TRMT11: variants seen among roughly 807,000 people sequenced by gnomAD.
The protein encoded by TRMT11 is tRNA methyltransferase 11, also known as tRNA (guanine(10)-N(2))-methyltransferase TRMT11.
TRMT11 carries 53 observed loss-of-function variants against 62.8 expected under a neutral mutation model. That is an observed-to-expected ratio of 0.84 (90% confidence interval 0.68 to 1.06). The LOEUF (loss-of-function observed/expected upper bound fraction) is 1.06. Among genes scored for constraint, TRMT11 ranks in the 50% least tolerant of loss-of-function variants. The pLI is 0.00. For missense variants in TRMT11, 556 were observed against 553.4 expected (o/e 1.00, Z -0.05); for synonymous variants, 188 against 190.3 (o/e 0.99, Z 0.10).
At chr6:126,182,270 C>T (rs1008806613) in intron 1 of TRMT11, among the ~76,000 whole-genome samples, 8 of 151,798 alleles carry the variant, frequency 5.3e-5, no homozygotes, top group Admixed American at 3.9e-4. Context: ...TAGGAGGTAC[C>T]GATGGGGGAT....
chr6:125,999,148 A>G (rs997915729), intron 6 of TRMT11, among the ~76,000 whole-genome samples: 5 of 152,058 alleles, frequency 3.3e-5, no homozygotes, highest in Non-Finnish European at 1.5e-5. Context: ...GGAAGTTGTG[A>G]CTTATGTTAG....
At chr6:126,105,090 C>T (rs1227344209) in intron 17 of TRMT11, among the ~76,000 whole-genome samples, 7 of 152,198 alleles carry the variant, frequency 4.6e-5, no homozygotes, top group Non-Finnish European at 1.0e-4. Context: ...ATATTTCATT[C>T]ACAGAATCCC....
chr6:126,169,063 A>G (rs1778300442), intron 21 of TRMT11, among the ~76,000 whole-genome samples: 1 of 152,230 alleles, frequency 6.6e-6, no homozygotes, highest in African/African-American at 2.4e-5. Flanking sequence ...ATCGCACCTA[A>G]GAATCTGCAT....
chr6:126,065,758 T>C (rs752657529), intron 17 of TRMT11, among the ~76,000 whole-genome samples: 7 of 152,256 alleles, frequency 4.6e-5, no homozygotes, highest in Non-Finnish European at 1.0e-4. Flanking sequence ...TACTATTCTT[T>C]AGCTGTATAC....
intron 17 of TRMT11, among the ~76,000 whole-genome samples, chr6:126,071,221 G>GA (rs1776843527): frequency 6.6e-6 from 1 of 151,268 alleles, no homozygotes; most frequent in African/African-American, 2.5e-5. Context: ...CTGTTTCCTT[G>GA]GGGGGGTGGG....
intron 17 of TRMT11, among the ~76,000 whole-genome samples, chr6:126,057,692 CT>C (rs1365254205): frequency 1.3e-5 from 2 of 151,994 alleles, no homozygotes; most frequent in Non-Finnish European, 2.9e-5. Flanking sequence ...GGTAATTAGT[CT>C]TCAGGAAAAC....
At chr6:126,011,557 T>G in intron 9 of TRMT11, 140 bp downstream of exon 9, 1 of 687,256 alleles carries the variant, frequency 1.5e-6, no homozygotes, top group Non-Finnish European at 2.4e-6. Context: ...TTCTTCATCT[T>G]GTAAGGAGAA....
chr6:126,030,585 C>T (rs566280877), intron 12 of TRMT11, among the ~76,000 whole-genome samples: 10 of 152,280 alleles, frequency 6.6e-5, no homozygotes, highest in Non-Finnish European at 8.8e-5. Context: ...TTTCACTTAT[C>T]ATAGAATAAA....
At chr6:126,118,980 T>A (rs1452025524) in intron 21 of TRMT11, among the ~76,000 whole-genome samples, 1 of 152,082 alleles carries the variant, frequency 6.6e-6, no homozygotes, top group Non-Finnish European at 1.5e-5. Flanking sequence ...TAGGTAGGAT[T>A]TTTATATACT....
At position 126,151,902 on chromosome 6, in the gene TRMT11, T is replaced by TCC. The variant is rs1562334912; in HGVS notation, c.*1824-22923_*1824-22922insCC. 9.7e-4 allele frequency among the ~76,000 whole-genome samples: 25 copies of TCC among 25,744 alleles called. 1 individual carries two copies. Among genetic ancestry groups the TCC allele is most frequent in the African/African-American group, 1.7e-3 (5 of 3,008 alleles). 16.9% of individuals were successfully genotyped at this position (25,744 alleles called of 152,430 possible). On this transcript the variant is annotated intron_variant and NMD_transcript_variant, in intron 21 of 22. Coordinates refer to the TRMT11 transcript ENST00000648977. The stretch of plus-strand genomic sequence containing the variant: ...CTTCCTTCCTTGTCTTTTTCTTTCT[T>TCC]TTCTCTTTCTTTCTTTCTTTCTTTC...
At chr6:126,094,887 C>T (rs1385627253) in intron 17 of TRMT11, among the ~76,000 whole-genome samples, 2 of 152,168 alleles carry the variant, frequency 1.3e-5, no homozygotes, top group African/African-American at 4.8e-5. Context: ...CCTTCACAAT[C>T]ATTTTGTAAG....
chr6:126,246,097 A>G, the TRMT11 span, among the ~76,000 whole-genome samples: 51 of 152,258 alleles, frequency 3.3e-4, no homozygotes, highest in African/African-American at 9.9e-4. Flanking sequence ...CCTGGGCAAC[A>G]TGGTGAAACC....
intron 1 of TRMT11, among the ~76,000 whole-genome samples, chr6:126,190,909 T>C (rs1179400682): frequency 1.3e-5 from 2 of 152,100 alleles, no homozygotes; most frequent in Non-Finnish European, 2.9e-5. Context: ...GACACAGGAG[T>C]GCAGATATCT....
chr6:126,200,701 C>T (rs1778725269), intron 3 of TRMT11, among the ~76,000 whole-genome samples: 1 of 152,058 alleles, frequency 6.6e-6, no homozygotes, highest in Non-Finnish European at 1.5e-5. Flanking sequence ...ACTACAGGCG[C>T]CTACCACCAC....
downstream of TRMT11, among the ~76,000 whole-genome samples, chr6:126,206,632 T>C (rs1778794361): frequency 2.0e-5 from 3 of 152,212 alleles, no homozygotes; most frequent in South Asian, 4.1e-4. Flanking sequence ...GGGTTATTTA[T>C]TGAGTGCTGC....
chr6:126,203,795 A>G (rs1287651012), downstream of TRMT11, among the ~76,000 whole-genome samples: 1 of 152,230 alleles, frequency 6.6e-6, no homozygotes, highest in African/African-American at 2.4e-5. Flanking sequence ...GTACTACTAC[A>G]TATTAAAAAT....
At chr6:126,109,322 G>A (rs1777500263) in intron 17 of TRMT11, among the ~76,000 whole-genome samples, 1 of 152,102 alleles carries the variant, frequency 6.6e-6, no homozygotes, top group Admixed American at 6.6e-5. Flanking sequence ...TTTTAGTCTG[G>A]AACAGTTTCT....
At chr6:126,082,810 G>T (rs1274196214) in intron 17 of TRMT11, among the ~76,000 whole-genome samples, 1 of 152,092 alleles carries the variant, frequency 6.6e-6, no homozygotes, top group Non-Finnish European at 1.5e-5. Context: ...AGATAAAGAA[G>T]CAGGTACAAA....
chr6:126,028,076 GA>G (rs1773524368), intron 12 of TRMT11, among the ~76,000 whole-genome samples: 1 of 152,064 alleles, frequency 6.6e-6, no homozygotes, highest in Non-Finnish European at 1.5e-5. Flanking sequence ...CCTTTCTCAG[GA>G]TTAATGTTGT....
Sources: allele counts gnomAD v4.1 joint callset (sites outside exome capture counted in the v4.1 genomes callset), GRCh38; gene constraint gnomAD v4.1.1; transcripts MANE v1.5; gene names NCBI Gene and HGNC (gene_info 2026-07-23, HGNC 2026-07-21).